Variants in GPC6 observed in about 807,000 individuals in gnomAD.
GPC6 encodes the protein glypican 6.
GPC6 carries 14 observed loss-of-function variants against 55.2 expected under a neutral mutation model. That is an observed-to-expected ratio of 0.25 (90% confidence interval 0.17 to 0.40). The LOEUF is 0.40. Among genes scored for constraint, GPC6 ranks in the 10% least tolerant of loss-of-function variants. The probability of loss-of-function intolerance (pLI) is 1.00; values close to 1 mark genes in which losing one functional copy is unlikely to be tolerated. For synonymous variants in GPC6, 278 were observed against 259.6 expected (o/e 1.07, Z -0.68); for missense variants, 641 against 708.5 (o/e 0.90, Z 1.08).
At chr13:93,620,574 G>A (rs920372293) in intron 2 of GPC6, among the ~76,000 whole-genome samples, 3 of 152,136 alleles carry the variant, frequency 2.0e-5, no homozygotes, top group Non-Finnish European at 4.4e-5. Flanking sequence ...TTATACCGAA[G>A]ATGTTTTCAA....
chr13:94,072,221 T>G (rs925209991), intron 4 of GPC6, among the ~76,000 whole-genome samples: 8 of 152,214 alleles, frequency 5.3e-5, no homozygotes, highest in African/African-American at 1.9e-4. Context: ...ATATAACCTA[T>G]GCACAATTAT....
intron 6 of GPC6, among the ~76,000 whole-genome samples, chr13:94,372,657 A>G: frequency 6.6e-6 from 1 of 152,082 alleles, no homozygotes; most frequent in East Asian, 1.9e-4. Context: ...GCCATTGCCC[A>G]GGCTTGATTA....
At chr13:94,222,717 A>G (rs2139003064) in intron 4 of GPC6, among the ~76,000 whole-genome samples, 1 of 152,264 alleles carries the variant, frequency 6.6e-6, no homozygotes, top group South Asian at 2.1e-4. Context: ...AGAAGTATCT[A>G]ACAGAGAAAG....
chr13:94,198,034 T>C (rs562486982), intron 4 of GPC6, among the ~76,000 whole-genome samples: 10 of 152,258 alleles, frequency 6.6e-5, no homozygotes, highest in East Asian at 1.9e-4. Flanking sequence ...ACCATTGTTA[T>C]ATAGCATGAC....
At chr13:93,886,851 T>G (rs1594557845) in intron 3 of GPC6, among the ~76,000 whole-genome samples, 2 of 151,938 alleles carry the variant, frequency 1.3e-5, no homozygotes, top group Non-Finnish European at 1.5e-5. Context: ...TCAATTTTAG[T>G]CAGTCCATTC....
chr13:93,270,971 C>T (rs1434788616), intron 1 of GPC6, among the ~76,000 whole-genome samples: 1 of 152,190 alleles, frequency 6.6e-6, no homozygotes, highest in Non-Finnish European at 1.5e-5. Context: ...ATTTAATAGA[C>T]TTGCACCCGT....
intron 2 of GPC6, chr13:93,818,397 G>T (rs1304794373): frequency 2.0e-5 from 3 of 152,002 alleles, no homozygotes; most frequent in Non-Finnish European, 4.4e-5. Flanking sequence ...ATATAATTAT[G>T]CTTTTACAAC....
intron 4 of GPC6, among the ~76,000 whole-genome samples, chr13:94,252,900 T>TTA: frequency 6.7e-6 from 1 of 149,104 alleles, no homozygotes; most frequent in Non-Finnish European, 1.5e-5. Context: ...CAGTGAAAGA[T>TTA]AATTAGAGTT....
At chr13:94,006,902 T>C (rs1354557979) in intron 3 of GPC6, among the ~76,000 whole-genome samples, 1 of 152,222 alleles carries the variant, frequency 6.6e-6, no homozygotes, top group Non-Finnish European at 1.5e-5. Flanking sequence ...CAGTTGGACT[T>C]ATTTACTCTT....
At chr13:94,198,763 T>C (rs1889658975) in intron 4 of GPC6, among the ~76,000 whole-genome samples, 1 of 152,208 alleles carries the variant, frequency 6.6e-6, no homozygotes, top group Non-Finnish European at 1.5e-5. Flanking sequence ...ATAAGAGATT[T>C]CACTGCTCTG....
intron 3 of GPC6, among the ~76,000 whole-genome samples, chr13:93,866,927 TA>T (rs1566577107): frequency 6.6e-6 from 1 of 151,768 alleles, no homozygotes; most frequent in East Asian, 1.9e-4. Context: ...ATAATGTAAA[TA>T]ATTTTTAGCA....
intron 2 of GPC6, among the ~76,000 whole-genome samples, chr13:93,704,899 C>G (rs534964629): frequency 6.6e-6 from 1 of 151,916 alleles, no homozygotes; most frequent in African/African-American, 2.4e-5. Flanking sequence ...ACTGGATCCT[C>G]GCCATGTGGG....
chr13:93,663,711 G>A (rs1881019643), intron 2 of GPC6, among the ~76,000 whole-genome samples: 1 of 152,156 alleles, frequency 6.6e-6, no homozygotes, highest in African/African-American at 2.4e-5. Flanking sequence ...ATCTTCCACA[G>A]CTTTCTTGTC....
intron 4 of GPC6, among the ~76,000 whole-genome samples, chr13:94,170,186 C>A (rs1162385346): frequency 6.6e-6 from 1 of 152,200 alleles, no homozygotes; most frequent in Non-Finnish European, 1.5e-5. Flanking sequence ...AAGCAACACA[C>A]AAGCAATGGC....
chr13:93,372,163 C>T lies in GPC6; in HGVS notation c.160+144547C>T, dbSNP rs931025580. On this transcript the variant is annotated intron_variant, in intron 1 of 8. Coordinates refer to ENST00000377047, the MANE Select transcript of GPC6 (RefSeq NM_005708.5). ...TCAAATGCCTGTTATACACAAGAGGCTTTATAGTAGATATGTGACTTAGAC... is the reference window on the plus strand; with the variant it reads ...TCAAATGCCTGTTATACACAAGAGGTTTTATAGTAGATATGTGACTTAGAC... 4.6e-5 allele frequency among the ~76,000 whole-genome samples: 7 copies of T among 152,224 alleles called. No homozygotes were observed. In the East Asian group the frequency reaches 9.7e-4, roughly 21 times the overall value.
At chr13:94,101,957 T>G (rs927180309) in intron 4 of GPC6, among the ~76,000 whole-genome samples, 3 of 152,112 alleles carry the variant, frequency 2.0e-5, no homozygotes, top group Non-Finnish European at 4.4e-5. Context: ...TTTAAAAAAA[T>G]GAGACAATGG....
chr13:93,348,070 A>G (rs1264486730), intron 1 of GPC6, among the ~76,000 whole-genome samples: 3 of 152,164 alleles, frequency 2.0e-5, no homozygotes, highest in Non-Finnish European at 4.4e-5. Flanking sequence ...TTCCTCTGGC[A>G]TAATGTTTTT....
chr13:93,264,916 A>G (rs938662785), intron 1 of GPC6, among the ~76,000 whole-genome samples: 6 of 152,174 alleles, frequency 3.9e-5, no homozygotes, highest in African/African-American at 1.4e-4. Context: ...TTAGAATAGA[A>G]TATGTGAATC....
chr13:93,287,133 A>G (rs1233683381), intron 1 of GPC6, among the ~76,000 whole-genome samples: 2 of 152,194 alleles, frequency 1.3e-5, no homozygotes, highest in African/African-American at 4.8e-5. Context: ...ATGTATATGC[A>G]AATATTACAA....
Sources: allele counts gnomAD v4.1 joint callset (sites outside exome capture counted in the v4.1 genomes callset), GRCh38; gene constraint gnomAD v4.1.1; transcripts MANE v1.5; gene names NCBI Gene and HGNC (gene_info 2026-07-23, HGNC 2026-07-21).